Variants in CDH24 observed in about 807,000 individuals in gnomAD.
The protein encoded by CDH24 is cadherin 24.
A neutral mutation model predicts 71.2 loss-of-function variants in CDH24; 61 were observed. The ratio of observed to expected loss-of-function variants is 0.86; its 90% CI spans 0.70 to 1.06. CDH24 has a LOEUF of 1.06. Among genes scored for constraint, CDH24 ranks in the 50% least tolerant of loss-of-function variants. The pLI is 0.00. For missense variants in CDH24, 961 were observed against 1,083.7 expected, an observed-to-expected ratio of 0.89 and a Z score of 1.59; for synonymous variants, 440 against 470.2, an observed-to-expected ratio of 0.94 and a Z score of 0.83.
intron 7 of CDH24, among the ~76,000 whole-genome samples, chr14:23,052,896 C>T (rs1052203217): frequency 2.0e-5 from 3 of 152,072 alleles, no homozygotes; most frequent in African/African-American, 7.2e-5. Context: ...ACTTCTGGGC[C>T]CTGTTCTGAG....
rs966350852 is a variant in CDH24 at position 23,047,955 on chromosome 14, C to G, written c.*25G>C. ...GCCTGTGCCCGCTGCCCCCCCCCCG[C>G]GGTGGGCCGGGCCAGCCCGGGCGCT... On this transcript the variant is annotated 3_prime_UTR_variant, in exon 12 of 13. Coordinates refer to ENST00000487137, the MANE Select transcript of CDH24 (RefSeq NM_144985.4). 9.3e-6 allele frequency: 12 copies of G among 1,292,148 alleles called. No homozygotes were observed. The highest frequency in any genetic ancestry group is 3.3e-5 in the East Asian group (1 of 30,580). The allele number at this position is 1,292,148 out of a possible 1,614,324, so 80.0% of individuals were successfully genotyped here.
In CDH24 at chr14:23,049,839, A is replaced by T. The variant is rs2047071811; in HGVS notation, c.1468T>A (p.Ser490Thr). The change falls in exon 9 of 13, where the codon TCT (serine) becomes ACT (threonine). Residue 490 changes from serine to threonine, a missense_variant. Coordinates refer to ENST00000487137, the MANE Select transcript of CDH24 (RefSeq NM_144985.4). ...TTGCTCACCTGGCCAGGAGCTGCAG[A>T]GTCACACACAAAAGTATCGTAGGGC... ...AEPYDTFVCD[S>T]AAPGQLIQVI... The T allele has an allele frequency of 2.5e-6, 4 of 1,613,912 alleles. No individual in the cohort carries two copies. The highest frequency in any genetic ancestry group is 1.7e-6 in the Non-Finnish European group (2 of 1,179,996).
intron 8 of CDH24, 92 bp downstream of exon 8, chr14:23,052,381 G>A (rs768906662): frequency 1.2e-5 from 16 of 1,377,066 alleles, no homozygotes; most frequent in South Asian, 1.1e-4. Flanking sequence ...GTGAGGGTGC[G>A]ATGGCAGTTA....
In CDH24 at chr14:23,051,176, C is replaced by T. The variant is rs1329599547; in HGVS notation, c.1364-1233G>A. ...GTAGTATCTGTGCATATCTACTATG[C>T]ACACAGTTGCATGTATAGAAACATA... On this transcript the variant is annotated intron_variant, in intron 8 of 12. Coordinates refer to ENST00000487137, the MANE Select transcript of CDH24 (RefSeq NM_144985.4). This position sits in a 1 kb window ranked among gnomAD's most constrained non-coding sequence, Gnocchi z 4.4. Among the ~76,000 whole-genome samples the T allele has an allele frequency of 6.6e-6, 1 of 152,172 alleles. No homozygotes were observed. The highest frequency in any genetic ancestry group is 1.5e-5 in the Non-Finnish European group (1 of 68,030).
At position 23,049,366 on chromosome 14, in the gene CDH24, G is replaced by A. The variant is rs577630913; in HGVS notation, c.1598-91C>T. On this transcript the variant is annotated intron_variant, in intron 10 of 12. Coordinates refer to ENST00000487137, the MANE Select transcript of CDH24 (RefSeq NM_144985.4). Reference sequence around the variant, plus strand: ...ATAGAGCCAGCTTCCCATAGAGCCAGCCCCCCATAGAGCCAGCCCATAGGT... The same window carrying A: ...ATAGAGCCAGCTTCCCATAGAGCCAACCCCCCATAGAGCCAGCCCATAGGT... 1.3e-5 allele frequency: 16 copies of A among 1,278,194 alleles called. No individual in the cohort carries two copies. The African/African-American group carries it at 2.2e-4, about 18-fold the overall frequency. The allele number at this position is 1,278,194 out of a possible 1,614,324, so 79.2% of individuals were successfully genotyped here.
At chr14:23,052,363 G>A (rs1202550411) in intron 8 of CDH24, 110 bp downstream of exon 8, 18 of 1,188,818 alleles carry the variant, frequency 1.5e-5, no homozygotes, top group African/African-American at 4.5e-5. Context: ...CTCAGTGGCC[G>A]CACGCTGGTG....
intron 1 of CDH24, among the ~76,000 whole-genome samples, chr14:23,056,245 A>C (rs898307737): frequency 2.0e-5 from 3 of 152,226 alleles, no homozygotes; most frequent in Non-Finnish European, 4.4e-5. Flanking sequence ...GTGTGGCCTT[A>C]AGGTGTCTAG....
chr14:23,048,022 G>C lies in CDH24; in HGVS notation c.2304C>G (p.Thr768=), dbSNP rs921237872. 68 of 1,445,596 alleles carry C rather than the reference G, an allele frequency of 4.7e-5. No homozygotes were observed. The highest frequency in any genetic ancestry group is 5.8e-5 in the Non-Finnish European group (64 of 1,104,694). The allele number at this position is 1,445,596 out of a possible 1,614,324, so 89.5% of individuals were successfully genotyped here. ...PLDDWGPLFR[T]LAELYGAKEP... ...CCTTGGCCCCATACAGCTCGGCCAG[G>C]GTGCGGAAGAGCGGACCCCAGTCGT... The change falls in exon 12 of 13, where the codon ACC becomes ACG. Residue 768 remains threonine (T), a synonymous_variant. Transcript: ENST00000487137.
rs1017777827 is a variant in CDH24 at position 23,057,154 on chromosome 14, G to A, written c.-125+249C>T. Among the ~76,000 whole-genome samples the A allele has an allele frequency of 2.0e-5, 3 of 151,586 alleles. No homozygotes were observed. In the East Asian group the frequency reaches 5.8e-4, roughly 29 times the overall value. On this transcript the variant is annotated intron_variant, in intron 1 of 12. Transcript: ENST00000487137. The surrounding 1 kb of genome is among the most constrained non-coding windows in gnomAD (Gnocchi z 5.4). Reference sequence around the variant, plus strand: ...GAAAAAGGACAAGAGGGAGAGGGAAGGGTTGGGGAGACAGAGGGAAGGGAT... The same window carrying A: ...GAAAAAGGACAAGAGGGAGAGGGAAAGGTTGGGGAGACAGAGGGAAGGGAT...
rs1437296092 is a variant in CDH24, at chr14:23,054,618, C to T, written c.672G>A (p.Leu224=). ...NMDRETQEEF[L]VVIQAKDMGG... is the part of the protein sequence containing the mutation. ...CCATGTCCTTGGCCTGGATCACCAC[C>T]AAGAACTCCTCCTGTGTCTCCCGGT... The change falls in exon 5 of 13, where the codon TTG becomes TTA. Residue 224 remains leucine, a synonymous_variant. Transcript: ENST00000487137. The surrounding 1 kb of genome is among the most constrained non-coding windows in gnomAD (Gnocchi z 5.2). 1.2e-6 allele frequency: 2 copies of T among 1,614,010 alleles called. No homozygotes were observed. Among genetic ancestry groups the T allele is most frequent in the African/African-American group, 1.3e-5 (1 of 74,908 alleles).
chr14:23,048,409 G>A lies in CDH24; in HGVS notation c.1917C>T (p.Asp639=), dbSNP rs747306724. 2 of 1,612,254 alleles carry A rather than the reference G, an allele frequency of 1.2e-6. No homozygotes were observed. ...CGTAGGTGATGATGTTCTCTCGGAC[G>A]TCCTCCTCCTCCAGTACCATCAGTG... The part of the protein sequence containing the change: ...QEALMVLEEE[D]VRENIITYDD... The change falls in exon 12 of 13, where the codon GAC becomes GAT. Residue 639 remains aspartate, a synonymous_variant. Transcript: ENST00000487137.
In CDH24 at chr14:23,051,450, A is replaced by G. The variant is rs1167898448; in HGVS notation, c.1363+1023T>C. On this transcript the variant is annotated intron_variant, in intron 8 of 12. Coordinates refer to ENST00000487137, the MANE Select transcript of CDH24 (RefSeq NM_144985.4). The surrounding 1 kb of genome is among the most constrained non-coding windows in gnomAD (Gnocchi z 4.4). Reference sequence around the variant, plus strand: ...GAAGATGAATAGTGCCTGATAAACAATAAGTAATAAATTATCTGTCCACAA... The same window carrying G: ...GAAGATGAATAGTGCCTGATAAACAGTAAGTAATAAATTATCTGTCCACAA... 6.6e-6 allele frequency among the ~76,000 whole-genome samples: 1 copy of G among 152,242 alleles called. No homozygotes were observed. Among genetic ancestry groups the G allele is most frequent in the Non-Finnish European group, 1.5e-5 (1 of 68,048 alleles).
chr14:23,055,242 T>C lies in CDH24; in HGVS notation c.313A>G (p.Lys105Glu). ...GCCTTTTCCTCCCGGTCAAGGCTCT[T>C]GGTAACATGAATATTGCCTGTGGCC... ...DEATGNIHVT[K>E]SLDREEKAQY... is the part of the protein sequence containing the mutation. The change falls in exon 3 of 13, where the codon AAG (lysine) becomes GAG (glutamate). Residue 105 changes from lysine (K) to glutamate (E), a missense_variant. Physicochemically the swap from Lys to Glu is moderately conservative, Grantham distance 56. Transcript: ENST00000487137. The surrounding 1 kb of genome is among the most constrained non-coding windows in gnomAD (Gnocchi z 4.1). 2 of 1,614,170 alleles carry C rather than the reference T, an allele frequency of 1.2e-6. No homozygotes were observed. Among genetic ancestry groups the C allele is most frequent in the Non-Finnish European group, 1.7e-6 (2 of 1,180,016 alleles).
rs142077766 is a variant in CDH24 at position 23,049,374 on chromosome 14, T to C, written c.1598-99A>G. 7.5e-6 allele frequency: 9 copies of C among 1,199,356 alleles called. No homozygotes were observed. In the East Asian group the frequency reaches 1.8e-4, roughly 24 times the overall value. 74.3% of individuals were successfully genotyped at this position (1,199,356 alleles called of 1,614,324 possible). A position where few individuals can be genotyped will look rare whatever the true frequency, so the allele number is the denominator to read the frequency against. ...AGCTTCCCATAGAGCCAGCCCCCCATAGAGCCAGCCCATAGGTCCAGCCCA... is the reference window on the plus strand; with the variant it reads ...AGCTTCCCATAGAGCCAGCCCCCCACAGAGCCAGCCCATAGGTCCAGCCCA... On this transcript the variant is annotated intron_variant, in intron 10 of 12. Coordinates refer to ENST00000487137, the MANE Select transcript of CDH24 (RefSeq NM_144985.4).
chr14:23,049,552 A>T (rs1449357826), intron 10 of CDH24, 75 bp downstream of exon 10: 2 of 918,206 alleles, frequency 2.2e-6, no homozygotes, highest in Admixed American at 4.6e-5. Context: ...GGGGTCAGGC[A>T]GGCTGGGCTA....
chr14:23,047,947 C>T lies in CDH24; in HGVS notation c.*33G>A, dbSNP rs370092057. ...CTCAGAGGGCCTGTGCCCGCTGCCCCCCCCCCGCGGTGGGCCGGGCCAGCC... is the reference window on the plus strand; with the variant it reads ...CTCAGAGGGCCTGTGCCCGCTGCCCTCCCCCCGCGGTGGGCCGGGCCAGCC... On this transcript the variant is annotated 3_prime_UTR_variant, in exon 12 of 13. Transcript: ENST00000487137. 2.3e-5 allele frequency: 30 copies of T among 1,288,292 alleles called. No homozygotes were observed. The highest frequency in any genetic ancestry group is 1.3e-4 in the East Asian group (4 of 30,486). The allele number at this position is 1,288,292 out of a possible 1,614,324, so 79.8% of individuals were successfully genotyped here. A position where few individuals can be genotyped will look rare whatever the true frequency, so the allele number is the denominator to read the frequency against.
Position 23,049,643 on chromosome 14 carries a change from A to G in CDH24, c.1581T>C (p.Thr527=), listed in dbSNP as rs1224750607. 6.3e-7 allele frequency: 1 copy of G among 1,576,790 alleles called. No individual in the cohort carries two copies. Among genetic ancestry groups the G allele is most frequent in the Admixed American group, 1.8e-5 (1 of 56,976 alleles). ...GCCACCTACCTCGGTTGTCCTGGACAGTAAAGTTGGCATCAGGGCCCAGAG... is the reference window on the plus strand; with the variant it reads ...GCCACCTACCTCGGTTGTCCTGGACGGTAAAGTTGGCATCAGGGCCCAGAG... The part of the protein sequence containing the change: ...QGPLGPDANF[T]VQDNRDGSAS... The change falls in exon 10 of 13, where the codon ACT becomes ACC. Residue 527 remains threonine (T), a synonymous_variant. Coordinates refer to ENST00000487137, the MANE Select transcript of CDH24 (RefSeq NM_144985.4).
chr14:23,056,838 G>T (rs1272227055), intron 1 of CDH24, among the ~76,000 whole-genome samples: 1 of 152,138 alleles, frequency 6.6e-6, no homozygotes, highest in African/African-American at 2.4e-5. Flanking sequence ...TTCTCCTAGG[G>T]GCGGGGGGGA....
At chr14:23,052,241 T>C (rs1331724323) in intron 8 of CDH24, 7 of 715,758 alleles carry the variant, frequency 9.8e-6, no homozygotes, top group Non-Finnish European at 1.2e-5. Flanking sequence ...CAGCCCAGCC[T>C]AGGGGACTAG....
Sources: gnomAD v4.1 joint callset for allele counts (sites outside exome capture counted in the v4.1 genomes callset) on GRCh38, gnomAD v4.1.1 for gene constraint, Gnocchi (gnomAD v3.1) non-coding constraint, MANE v1.5 for transcripts, NCBI Gene and HGNC (gene_info 2026-07-23, HGNC 2026-07-21) for gene names.